The following CASD1 variants were observed in gnomAD, a reference collection of about 807,000 sequenced individuals.
CASD1 encodes CAS1 domain sialic acid O acetyltransferase 1.
A neutral mutation model predicts 100.0 loss-of-function variants in CASD1; 41 were observed. That is an observed-to-expected ratio of 0.41 (90% confidence interval 0.32 to 0.53). CASD1 has a LOEUF of 0.53. CASD1 is among the 20% of genes least tolerant of loss of function. The probability of loss-of-function intolerance (pLI) is 0.25; values close to 1 mark genes in which losing one functional copy is unlikely to be tolerated. For missense variants in CASD1, 774 were observed against 948.7 expected (o/e 0.82, Z 2.42); for synonymous variants, 321 against 315.6 (o/e 1.02, Z -0.18).
chr7:94,542,081 T>C (rs938035868), intron 10 of CASD1, among the ~76,000 whole-genome samples: 10 of 152,258 alleles, frequency 6.6e-5, no homozygotes, highest in African/African-American at 2.4e-5. Context: ...AAATGAATTA[T>C]ACTTACTGTT....
chr7:94,584,370 T>A, the CASD1 span, among the ~76,000 whole-genome samples: 1 of 152,150 alleles, frequency 6.6e-6, no homozygotes, highest in Non-Finnish European at 1.5e-5. Flanking sequence ...TCAAGCTGAT[T>A]ACTCCTGGAG....
chr7:94,600,353 C>G, the CASD1 span: 2 of 359,784 alleles, frequency 5.6e-6, no homozygotes, highest in East Asian at 1.3e-4. Flanking sequence ...TGCAAGATGG[C>G]TTGTATAACC....
At chr7:94,540,401 A>G (rs1183341270) in intron 10 of CASD1, among the ~76,000 whole-genome samples, 1 of 152,126 alleles carries the variant, frequency 6.6e-6, no homozygotes, top group Non-Finnish European at 1.5e-5. Context: ...CATGGTTACT[A>G]GTGTTTTTCA....
Position 94,518,274 on chromosome 7 carries a change from A to G in CASD1, c.302A>G (p.Tyr101Cys). The change falls in exon 3 of 18, where the codon TAT (tyrosine) becomes TGT (cysteine). Residue 101 changes from tyrosine (Y) to cysteine (C), a missense_variant. Tyr to Cys is a radical substitution (Grantham distance 194). Transcript: ENST00000297273. ...IGDSRIRQLF[Y>C]SFVKIINPQF... ...GATTCCAGAATTCGTCAATTGTTTT[A>G]TTCTTTTGTAAAAATAATTAATCCC... 6.3e-7 allele frequency: 1 copy of G among 1,580,508 alleles called. No individual in the cohort carries two copies.
the CASD1 span, chr7:94,600,804 C>G: frequency 6.2e-7 from 1 of 1,613,024 alleles, no homozygotes; most frequent in East Asian, 2.2e-5. Flanking sequence ...CAGGTAAAAT[C>G]CCCTCTCCAC....
At chr7:94,577,967 G>A in the CASD1 span, among the ~76,000 whole-genome samples, 5 of 152,136 alleles carry the variant, frequency 3.3e-5, no homozygotes, top group South Asian at 8.3e-4. Context: ...TTTTCACCAT[G>A]ATTGCAGAAT....
intron 14 of CASD1, among the ~76,000 whole-genome samples, chr7:94,550,712 A>G (rs906638790): frequency 6.6e-6 from 1 of 151,994 alleles, no homozygotes; most frequent in Non-Finnish European, 1.5e-5. Context: ...AATCCCATTC[A>G]TGAAGGCTCT....
chr7:94,555,057 T>TA (rs1796138585), intron 17 of CASD1, among the ~76,000 whole-genome samples: 1 of 152,124 alleles, frequency 6.6e-6, no homozygotes, highest in South Asian at 2.1e-4. Context: ...GTAAGATACA[T>TA]AATATGAAAT....
At chr7:94,582,267 G>A in the CASD1 span, among the ~76,000 whole-genome samples, 3 of 152,000 alleles carry the variant, frequency 2.0e-5, no homozygotes, top group East Asian at 3.9e-4. Flanking sequence ...ACAGGTGCCC[G>A]CCACCATGGC....
the CASD1 span, chr7:94,625,865 C>T: frequency 6.6e-6 from 1 of 152,020 alleles, no homozygotes; most frequent in African/African-American, 2.4e-5. Flanking sequence ...ATGATTGTAC[C>T]TGCCTCCAGG....
At chr7:94,600,641 C>T in the CASD1 span, 1 of 1,605,044 alleles carries the variant, frequency 6.2e-7, no homozygotes, top group Non-Finnish European at 8.5e-7. Context: ...TTTTAAAGTA[C>T]TCACACGCCT....
chr7:94,564,461 A>G, the CASD1 span, among the ~76,000 whole-genome samples: 12 of 152,212 alleles, frequency 7.9e-5, no homozygotes, highest in Admixed American at 7.9e-4. Flanking sequence ...TTAGGGAGGC[A>G]GTTTCAAAGT....
chr7:94,531,092 A>G (rs1302131019), intron 5 of CASD1, among the ~76,000 whole-genome samples: 1 of 152,184 alleles, frequency 6.6e-6, no homozygotes, highest in Non-Finnish European at 1.5e-5. Flanking sequence ...TGAGGGCAGA[A>G]TACTCTTTCA....
the CASD1 span, among the ~76,000 whole-genome samples, chr7:94,604,853 ATATAT>A: frequency 3.1e-5 from 3 of 97,942 alleles, no homozygotes; most frequent in African/African-American, 4.5e-5. Flanking sequence ...ATATATATAT[ATATAT>A]AATAGTTGTT....
At chr7:94,591,817 C>T in the CASD1 span, among the ~76,000 whole-genome samples, 1 of 152,072 alleles carries the variant, frequency 6.6e-6, no homozygotes, top group African/African-American at 2.4e-5. Context: ...GAGAAAAATG[C>T]CACACACAAA....
intron 3 of CASD1, among the ~76,000 whole-genome samples, chr7:94,521,525 G>A (rs17269065): frequency 0.03 from 4,522 of 152,052 alleles, 88 homozygotes; most frequent in Non-Finnish European, 0.045. Context: ...TAAAACTTAA[G>A]TTAAAGATGC....
the CASD1 span, among the ~76,000 whole-genome samples, chr7:94,563,040 G>A: frequency 1.3e-5 from 2 of 152,088 alleles, no homozygotes; most frequent in Non-Finnish European, 2.9e-5. Flanking sequence ...TCTTCCTTAT[G>A]CTCAACCCTA....
the CASD1 span, chr7:94,597,838 C>G: frequency 6.6e-6 from 1 of 152,264 alleles, no homozygotes; most frequent in African/African-American, 2.4e-5. Context: ...GAAACCCCAT[C>G]CCTACTAAAA....
At chr7:94,571,293 T>G in the CASD1 span, among the ~76,000 whole-genome samples, 1 of 152,122 alleles carries the variant, frequency 6.6e-6, no homozygotes. Flanking sequence ...TCCTCCTGCT[T>G]CAGCCTCCCA....
Sources: allele counts gnomAD v4.1 joint callset (sites outside exome capture counted in the v4.1 genomes callset), GRCh38; gene constraint gnomAD v4.1.1; transcripts MANE v1.5; gene names NCBI Gene and HGNC (gene_info 2026-07-23, HGNC 2026-07-21).